The following SGCD variants were observed in gnomAD, a reference collection of about 807,000 sequenced individuals.
SGCD encodes sarcoglycan delta, also known as delta-sarcoglycan.
SGCD carries 18 observed loss-of-function variants against 36.6 expected under a neutral mutation model. The ratio of observed to expected loss-of-function variants is 0.49; its 90% CI spans 0.34 to 0.73. The LOEUF (loss-of-function observed/expected upper bound fraction) is 0.73, where lower values mean the gene tolerates loss of function less well. Ranked by LOEUF, SGCD falls within the 30% of genes least tolerant of loss-of-function variation. SGCD has a pLI of 0.01. For missense variants in SGCD, 387 were observed against 346.7 expected, an observed-to-expected ratio of 1.12 and a Z score of -0.92; for synonymous variants, 133 against 130.6, an observed-to-expected ratio of 1.02 and a Z score of -0.12.
chr5:156,362,539 G>A lies in SGCD; in HGVS notation c.192+17862G>A, dbSNP rs180904536. On this transcript the variant is annotated intron_variant, in intron 3 of 8. Coordinates refer to ENST00000337851, the MANE Select transcript of SGCD (RefSeq NM_000337.6). ...TGCGCATCTGTAGTCCCAGCTACTC[G>A]AGAGGCTGAGGCAGAAGAATCACTT... Among the ~76,000 whole-genome samples the A allele has an allele frequency of 2.6e-3, 395 of 152,180 alleles. 1 individual carries two copies. Among genetic ancestry groups the A allele is most frequent in the Non-Finnish European group, 4.4e-3 (301 of 68,012 alleles).
chr5:156,734,651 C>G (rs1046804789), intron 7 of SGCD, among the ~76,000 whole-genome samples: 4 of 152,118 alleles, frequency 2.6e-5, no homozygotes, highest in African/African-American at 9.7e-5. Context: ...TTGGTCTTTT[C>G]TGCTGTTAAT....
At chr5:156,098,639 T>TACACACACAC (rs35247485) in intron 1 of SGCD, among the ~76,000 whole-genome samples, 3 of 149,298 alleles carry the variant, frequency 2.0e-5, no homozygotes, top group Non-Finnish European at 3.0e-5. Flanking sequence ...TGCATGTGTA[T>TACACACACAC]ACACACACAC....
the SGCD span, among the ~76,000 whole-genome samples, chr5:155,761,719 C>T: frequency 2.7e-5 from 4 of 150,238 alleles, no homozygotes; most frequent in Non-Finnish European, 5.9e-5. Flanking sequence ...ATCTCTCCAT[C>T]ATCTTCACCA....
chr5:156,026,138 A>G (rs1238907736), intron 1 of SGCD, among the ~76,000 whole-genome samples: 1 of 152,222 alleles, frequency 6.6e-6, no homozygotes, highest in Non-Finnish European at 1.5e-5. Context: ...GAAGATAGAA[A>G]TATGCAACTT....
chr5:156,332,469 A>G (rs923869439), intron 2 of SGCD, among the ~76,000 whole-genome samples: 4 of 152,158 alleles, frequency 2.6e-5, no homozygotes, highest in Non-Finnish European at 5.9e-5. Flanking sequence ...TGACCTGTAC[A>G]TGTTTACATT....
chr5:155,917,828 G>A (rs1561649434), intron 1 of SGCD, among the ~76,000 whole-genome samples: 1 of 152,076 alleles, frequency 6.6e-6, no homozygotes, highest in African/African-American at 2.4e-5. Context: ...TTAACTTCCA[G>A]GGTAAGAGCT....
intron 6 of SGCD, among the ~76,000 whole-genome samples, chr5:156,596,449 A>G (rs1431511172): frequency 1.3e-5 from 2 of 152,228 alleles, no homozygotes; most frequent in African/African-American, 4.8e-5. Context: ...GAAATCATCT[A>G]TGTAAAGTAC....
At position 156,639,178 on chromosome 5, in the gene SGCD, G is replaced by A. The variant is rs139940503; in HGVS notation, c.503-8286G>A. Among the ~76,000 whole-genome samples, 96 of 152,048 alleles carry A rather than the reference G, an allele frequency of 6.3e-4. 1 individual carries two copies. The highest frequency in any genetic ancestry group is 2.2e-3 in the African/African-American group (93 of 41,468). ...TGTGTATGTGTATATGTATGTGTGT[G>A]TATATACACACATATATAGTCACTA... is the stretch of plus-strand genomic sequence containing the variant. On this transcript the variant is annotated intron_variant, in intron 6 of 8. Transcript: ENST00000337851.
At chr5:155,789,054 G>A in the SGCD span, among the ~76,000 whole-genome samples, 1 of 152,134 alleles carries the variant, frequency 6.6e-6, no homozygotes, top group African/African-American at 2.4e-5. Context: ...AAGGATACAA[G>A]TATTTTTTTA....
the SGCD span, among the ~76,000 whole-genome samples, chr5:155,856,162 AT>A: frequency 6.6e-6 from 1 of 152,024 alleles, no homozygotes; most frequent in South Asian, 2.1e-4. Flanking sequence ...TAACACACAC[AT>A]ACATACATAT....
chr5:156,690,858 G>A (rs1251176107), intron 7 of SGCD, among the ~76,000 whole-genome samples: 2 of 152,090 alleles, frequency 1.3e-5, no homozygotes, highest in Non-Finnish European at 2.9e-5. Context: ...TAGGATGACT[G>A]TTAAAGTCAG....
chr5:156,270,679 G>A (rs1766153361), intron 3 of SGCD, among the ~76,000 whole-genome samples: 1 of 152,078 alleles, frequency 6.6e-6, no homozygotes, highest in South Asian at 2.1e-4. Context: ...AAAGGACCTG[G>A]GTTTGACTCT....
chr5:155,782,073 G>A, the SGCD span, among the ~76,000 whole-genome samples: 6 of 149,464 alleles, frequency 4.0e-5, no homozygotes, highest in East Asian at 3.9e-4. Context: ...TTTCCCAGGC[G>A]GAGTGCAGCA....
At chr5:156,706,218 A>C (rs1171291056) in intron 7 of SGCD, among the ~76,000 whole-genome samples, 4 of 152,176 alleles carry the variant, frequency 2.6e-5, no homozygotes, top group Non-Finnish European at 5.9e-5. Flanking sequence ...TCTAGATAGC[A>C]TAAACTTATT....
chr5:155,908,310 A>T (rs183005656), intron 1 of SGCD, among the ~76,000 whole-genome samples: 1 of 152,076 alleles, frequency 6.6e-6, no homozygotes. Context: ...ATTTTACTCA[A>T]TTCATCTCCA....
At chr5:156,068,155 G>A (rs1485445328) in intron 1 of SGCD, among the ~76,000 whole-genome samples, 3 of 149,102 alleles carry the variant, frequency 2.0e-5, no homozygotes, top group African/African-American at 5.0e-5. Flanking sequence ...AAGTTTTAGG[G>A]TACATGTGCA....
chr5:155,960,586 G>GA (rs1369745622), intron 1 of SGCD, among the ~76,000 whole-genome samples: 4 of 152,080 alleles, frequency 2.6e-5, no homozygotes, highest in African/African-American at 9.6e-5. Context: ...TTCATATTTA[G>GA]AAAAAAATTA....
chr5:155,788,916 C>T, the SGCD span, among the ~76,000 whole-genome samples: 6 of 152,144 alleles, frequency 3.9e-5, no homozygotes, highest in East Asian at 1.9e-4. Flanking sequence ...AGACATAAAA[C>T]GGTCAAAATA....
Position 155,954,883 on chromosome 5 carries a change from A to G in SGCD, c.-282+84459A>G, listed in dbSNP as rs911351740. Among the ~76,000 whole-genome samples, 10 of 152,124 alleles carry G rather than the reference A, an allele frequency of 6.6e-5. No homozygotes were observed. In the East Asian group the frequency reaches 1.5e-3, roughly 24 times the overall value. On this transcript the variant is annotated intron_variant, in intron 1 of 9. Coordinates refer to the SGCD transcript ENST00000517913. Reference sequence around the variant, plus strand: ...GAGAGAGCTCATGTGTAGTTCCAGTATAAGTGCAAGTGCCTGAGAGCCAGA... The same window carrying G: ...GAGAGAGCTCATGTGTAGTTCCAGTGTAAGTGCAAGTGCCTGAGAGCCAGA...
Sources: allele counts gnomAD v4.1 joint callset (sites outside exome capture counted in the v4.1 genomes callset), GRCh38; gene constraint gnomAD v4.1.1; transcripts MANE v1.5; gene names NCBI Gene and HGNC (gene_info 2026-07-23, HGNC 2026-07-21).